TMC8: variants seen among roughly 807,000 people sequenced by gnomAD.
TMC8 encodes transmembrane channel like 8, also known as transmembrane channel-like protein 8.
In TMC8, 71 loss-of-function variants were observed where a neutral mutation model predicts 76.0. The observed-to-expected ratio is 0.93, with a 90% CI of 0.77 to 1.14. The LOEUF is 1.14. Among genes scored for constraint, TMC8 ranks in the 50% most tolerant of loss-of-function variants. The pLI, the probability that TMC8 is intolerant of heterozygous loss-of-function variation, is 0.00. For missense variants in TMC8, 924 were observed against 947.9 expected (o/e 0.97, Z 0.33); for synonymous variants, 433 against 433.8 (o/e 1.00, Z 0.02).
In TMC8 at chr17:78,138,600, T is replaced by C. The variant is rs769354230; in HGVS notation, c.1691T>C (p.Leu564Pro). The change falls in exon 14 of 16, where the codon CTC (leucine) becomes CCC (proline). Residue 564 changes from leucine to proline, a missense_variant. By Grantham distance (98) the Leu-to-Pro change is moderately conservative. Coordinates refer to ENST00000318430, the MANE Select transcript of TMC8 (RefSeq NM_152468.5). The stretch of plus-strand genomic sequence containing the variant: ...ATCCACTCCTCCTGGGACTGCGGCC[T>C]CTTCACCAACTACTCAGCACCCTGG... The part of the protein sequence containing the change: ...SSIHSSWDCG[L>P]FTNYSAPWQV... 3.7e-6 allele frequency: 6 copies of C among 1,613,836 alleles called. No homozygotes were observed. The highest frequency in any genetic ancestry group is 5.1e-6 in the Non-Finnish European group (6 of 1,180,032).
chr17:78,132,565 G>T, intron 4 of TMC8, 57 bp downstream of exon 4: 1 of 1,573,344 alleles, frequency 6.4e-7, no homozygotes. Flanking sequence ...CCATGGGGGG[G>T]CTGGCCCAGG....
At chr17:78,133,344 G>A (rs1598904751) in intron 5 of TMC8, 62 bp from the exon 6 acceptor site, 1 of 1,612,236 alleles carries the variant, frequency 6.2e-7, no homozygotes, top group East Asian at 2.2e-5. Flanking sequence ...GATCATATAT[G>A]GAAAGCACTT....
chr17:78,137,832 A>G lies in TMC8; in HGVS notation c.1349+18A>G. 6.2e-7 allele frequency: 1 copy of G among 1,611,504 alleles called. No individual in the cohort carries two copies. Among genetic ancestry groups the G allele is most frequent in the Non-Finnish European group, 8.5e-7 (1 of 1,179,472 alleles). On this transcript the variant is annotated intron_variant, in intron 11 of 15. Transcript: ENST00000318430. Reference sequence around the variant, plus strand: ...CCTCGGAGGTGAGCCCCGGGGTGACACCTCCAGAAGGGCGGGGGTGCCGCG... The same window carrying G: ...CCTCGGAGGTGAGCCCCGGGGTGACGCCTCCAGAAGGGCGGGGGTGCCGCG...
Position 78,132,040 on chromosome 17 carries a change from G to A in TMC8, c.298+10G>A. On this transcript the variant is annotated intron_variant, in intron 3 of 15. Transcript: ENST00000318430. Reference sequence around the variant, plus strand: ...CTCTACGAGATCGGGGGTAGGACCCGCGCGACCCGCACCTCCCCTTGCCCT... The same window carrying A: ...CTCTACGAGATCGGGGGTAGGACCCACGCGACCCGCACCTCCCCTTGCCCT... 2 of 1,534,566 alleles carry A rather than the reference G, an allele frequency of 1.3e-6. No individual in the cohort carries two copies. The highest frequency in any genetic ancestry group is 1.7e-6 in the Non-Finnish European group (2 of 1,146,252).
chr17:78,133,800 C>A (rs1166066065), intron 6 of TMC8, 53 bp from the exon 7 acceptor site: 12 of 1,611,132 alleles, frequency 7.4e-6, no homozygotes, highest in Non-Finnish European at 1.0e-5. Flanking sequence ...AAGGCTGAGG[C>A]TGGATGGTAG....
At position 78,134,580 on chromosome 17, in the gene TMC8, A is replaced by T; in HGVS notation, c.987+16A>T. 6.2e-7 allele frequency: 1 copy of T among 1,613,926 alleles called. No individual in the cohort carries two copies. Among genetic ancestry groups the T allele is most frequent in the Non-Finnish European group, 8.5e-7 (1 of 1,179,974 alleles). Reference sequence around the variant, plus strand: ...CAACAAGGAGGTGTCAGGCAACTGCATTCATTTAATCCTGGCCAGAACTGC... The same window carrying T: ...CAACAAGGAGGTGTCAGGCAACTGCTTTCATTTAATCCTGGCCAGAACTGC... On this transcript the variant is annotated intron_variant, in intron 8 of 15. Transcript: ENST00000318430.
rs201514566 is a variant in TMC8 at position 78,138,371 on chromosome 17, G to A, written c.1556G>A (p.Arg519Lys). ...IKKYTLLKNS[R>K]ASSRPFRASS... The stretch of plus-strand genomic sequence containing the variant: ...CAGTACACCCTCCTGAAGAACTCCA[G>A]GGCATCTTCGCGGCCCTTCCGTGCC... The change falls in exon 13 of 16, where the codon AGG becomes AAG. Residue 519 changes from arginine to lysine, a missense_variant. By Grantham distance (26) the Arg-to-Lys change is conservative. Coordinates refer to ENST00000318430, the MANE Select transcript of TMC8 (RefSeq NM_152468.5). 4.6e-5 allele frequency: 74 copies of A among 1,611,298 alleles called. 1 individual carries two copies. Among genetic ancestry groups the A allele is most frequent in the Non-Finnish European group, 5.9e-5 (70 of 1,180,008 alleles).
Position 78,131,341 on chromosome 17 carries a change from A to T in TMC8, c.-248A>T. Reference sequence around the variant, plus strand: ...GAGAGTTGGAGCGGGGCTGGGCCCGAATTCGACCGCAGCAGGATTCTCTCT... The same window carrying T: ...GAGAGTTGGAGCGGGGCTGGGCCCGTATTCGACCGCAGCAGGATTCTCTCT... On this transcript the variant is annotated 5_prime_UTR_variant, in exon 2 of 16. Coordinates refer to ENST00000318430, the MANE Select transcript of TMC8 (RefSeq NM_152468.5). 1.7e-6 allele frequency: 1 copy of T among 591,608 alleles called. No individual in the cohort carries two copies. Among genetic ancestry groups the T allele is most frequent in the Non-Finnish European group, 3.0e-6 (1 of 334,392 alleles). 36.6% of individuals were successfully genotyped at this position (591,608 alleles called of 1,614,324 possible).
At position 78,131,474 on chromosome 17, in the gene TMC8, C is replaced by CATAG; in HGVS notation, c.-115_-114insATAG. On this transcript the variant is annotated 5_prime_UTR_variant, in exon 2 of 16. An upstream open reading frame in the 5' UTR gains an earlier in-frame stop. Coordinates refer to ENST00000318430, the MANE Select transcript of TMC8 (RefSeq NM_152468.5). ...GCGCAGAGGGGACGGAAGGGCCCGC[C>CATAG]CCCAGCCCAGCGTGCACAGAGGCCA... The CATAG allele has an allele frequency of 6.9e-7, 1 of 1,445,310 alleles. No homozygotes were observed. Among genetic ancestry groups the CATAG allele is most frequent in the Admixed American group, 2.0e-5 (1 of 50,672 alleles). 89.5% of individuals were successfully genotyped at this position (1,445,310 alleles called of 1,614,324 possible).
In TMC8 at chr17:78,142,735, AAAAGGTTAG is replaced by A. The variant is rs981407438; in HGVS notation, c.*1627_*1635del. 6.6e-6 allele frequency: 1 copy of A among 152,202 alleles called. No homozygotes were observed. The highest frequency in any genetic ancestry group is 2.4e-5 in the African/African-American group (1 of 41,436). 9.4% of individuals were successfully genotyped at this position (152,202 alleles called of 1,614,324 possible). On this transcript the variant is annotated 3_prime_UTR_variant, in exon 16 of 16. Coordinates refer to ENST00000318430, the MANE Select transcript of TMC8 (RefSeq NM_152468.5). The stretch of plus-strand genomic sequence containing the variant: ...ACCAGTGGCCTCAGCATCACCTGGG[AAAAGGTTAG>A]AAATGAACATTCCCAGGCCCCACCT...
chr17:78,132,590 G>T, intron 4 of TMC8, 82 bp downstream of exon 4: 5 of 1,546,104 alleles, frequency 3.2e-6, no homozygotes, highest in Non-Finnish European at 4.4e-6. Flanking sequence ...AGAGCGTGGC[G>T]ACAACGCTGG....
Position 78,133,918 on chromosome 17 carries a change from A to G in TMC8, c.734A>G (p.Lys245Arg), listed in dbSNP as rs201752831. The change falls in exon 7 of 16, where the codon AAG (lysine) becomes AGG (arginine). Residue 245 changes from lysine (K) to arginine (R), a missense_variant. By Grantham distance (26) the Lys-to-Arg change is conservative. Transcript: ENST00000318430. ...GGCTATCAGGCGCCTCTCAGCGCCA[A>G]GGTCTTCTCCTCATGGGACTTCTGC... Reference protein sequence around the residue: ...GQGYQAPLSAKVFSSWDFCIR... With the variant: ...GQGYQAPLSARVFSSWDFCIR... 2.5e-6 allele frequency: 4 copies of G among 1,613,630 alleles called. No homozygotes were observed. Among genetic ancestry groups the G allele is most frequent in the African/African-American group, 1.3e-5 (1 of 75,076 alleles).
chr17:78,138,757 G>A, intron 14 of TMC8, 25 bp downstream of exon 14: 1 of 1,601,884 alleles, frequency 6.2e-7, no homozygotes, highest in Non-Finnish European at 8.5e-7. Context: ...CGGGGCCATG[G>A]GAGGGGACAC....
chr17:78,131,882 G>A lies in TMC8; in HGVS notation c.150G>A (p.Trp50Ter), dbSNP rs569316966. Residue 50 changes from tryptophan (W) to a stop codon, truncating the protein, a stop_gained and splice_region_variant, in exon 3 of 16, where the codon TGG becomes TGA. Coordinates refer to ENST00000318430, the MANE Select transcript of TMC8 (RefSeq NM_152468.5). LOFTEE classifies it high-confidence loss of function. ...PYAMMDKRLI[W>*]QLREPAGVQT... The stretch of plus-strand genomic sequence containing the variant: ...CGCCCCTGTCACCACCCCCGTCCAG[G>A]CAGCTGCGGGAGCCCGCGGGGGTGC... The A allele has an allele frequency of 2.1e-6, 3 of 1,458,416 alleles. No individual in the cohort carries two copies. In the African/African-American group the frequency reaches 4.3e-5, roughly 21 times the overall value. The allele number at this position is 1,458,416 out of a possible 1,614,324, so 90.3% of individuals were successfully genotyped here.
rs568323824 is a variant in TMC8 at position 78,139,312 on chromosome 17, C to A, written c.1902+72C>A. 2.8e-5 allele frequency: 44 copies of A among 1,568,356 alleles called. No individual in the cohort carries two copies. In the African/African-American group the frequency reaches 4.2e-4, roughly 15 times the overall value. ...CCCTTCCCTATGTGTGGCCGAGGGC[C>A]TAGAACACGTCTGAGCGGGTCAGGT... is the stretch of plus-strand genomic sequence containing the variant. On this transcript the variant is annotated intron_variant, in intron 15 of 15. Transcript: ENST00000318430.
rs1274240171 is a variant in TMC8 at position 78,134,262 on chromosome 17, T to C, written c.817-132T>C. ...GTGAATCTGAGTGTCTATGGGAGCA[T>C]GACAGTGTGAGAGTTTGTGACTGTG... is the stretch of plus-strand genomic sequence containing the variant. On this transcript the variant is annotated intron_variant, in intron 7 of 15. Transcript: ENST00000318430. The C allele has an allele frequency of 3.4e-6, 4 of 1,182,128 alleles. No individual in the cohort carries two copies. The East Asian group carries it at 9.5e-5, about 28-fold the overall frequency. 73.2% of individuals were successfully genotyped at this position (1,182,128 alleles called of 1,614,324 possible). A position where few individuals can be genotyped will look rare whatever the true frequency, so the allele number is the denominator to read the frequency against.
intron 1 of TMC8, 134 bp from the exon 2 acceptor site, chr17:78,131,147 G>C (rs760418538): frequency 3.9e-6 from 1 of 258,906 alleles, no homozygotes; most frequent in Non-Finnish European, 7.6e-6. Flanking sequence ...GTGGAGAAGA[G>C]AGGGAATTGT....
intron 1 of TMC8, 151 bp from the exon 2 acceptor site, chr17:78,131,130 C>G (rs1315799371): frequency 4.3e-6 from 1 of 233,772 alleles, no homozygotes; most frequent in Non-Finnish European, 8.6e-6. Flanking sequence ...GAAGGGCAAA[C>G]TGCCACGTGG....
chr17:78,133,626 G>T, intron 6 of TMC8, 84 bp downstream of exon 6: 1 of 1,594,158 alleles, frequency 6.3e-7, no homozygotes, highest in Non-Finnish European at 8.5e-7. Context: ...CCTCCCATTG[G>T]CAGGAAGGCC....
Sources: gnomAD v4.1 joint callset for allele counts on GRCh38, gnomAD v4.1.1 for gene constraint, MANE v1.5 for transcripts, NCBI Gene and HGNC (gene_info 2026-07-23, HGNC 2026-07-21) for gene names.